The following DLG2 variants were observed in gnomAD, a reference collection of about 807,000 sequenced individuals.
DLG2 encodes discs large MAGUK scaffold protein 2, also known as disks large homolog 2.
A neutral mutation model predicts 132.5 loss-of-function variants in DLG2; 45 were observed. That is an observed-to-expected ratio of 0.34 (90% CI 0.27 to 0.44). The LOEUF is 0.44. DLG2 is among the 20% of genes least tolerant of loss of function. The pLI, the probability that DLG2 is intolerant of heterozygous loss-of-function variation, is 1.00. For synonymous variants in DLG2, 424 were observed against 419.6 expected (o/e 1.01, Z -0.13); for missense variants, 1,045 against 1,196.9 (o/e 0.87, Z 1.87).
chr11:85,315,401 C>T (rs948135967), intron 3 of DLG2, among the ~76,000 whole-genome samples: 2 of 151,968 alleles, frequency 1.3e-5, no homozygotes, highest in Non-Finnish European at 2.9e-5. Flanking sequence ...TCCCTGCATA[C>T]CATTAGTTCT....
At chr11:84,432,076 T>C (rs1236006017) in intron 7 of DLG2, among the ~76,000 whole-genome samples, 1 of 152,194 alleles carries the variant, frequency 6.6e-6, no homozygotes, top group East Asian at 1.9e-4. Flanking sequence ...AAAATGAAGA[T>C]AATTACAACA....
intron 6 of DLG2, among the ~76,000 whole-genome samples, chr11:84,943,407 T>C (rs763870720): frequency 2.6e-5 from 4 of 152,078 alleles, no homozygotes; most frequent in Non-Finnish European, 5.9e-5. Flanking sequence ...CCCACATCCC[T>C]TCCTCCCTTC....
At chr11:84,958,855 C>A (rs1002175855) in intron 6 of DLG2, among the ~76,000 whole-genome samples, 1 of 152,188 alleles carries the variant, frequency 6.6e-6, no homozygotes, top group Non-Finnish European at 1.5e-5. Context: ...TAAAAGACAT[C>A]TATGTTCTCT....
At chr11:84,161,134 A>C (rs533471926) in intron 9 of DLG2, among the ~76,000 whole-genome samples, 64 of 152,302 alleles carry the variant, frequency 4.2e-4, no homozygotes, top group African/African-American at 1.4e-3. Flanking sequence ...CATGGAGTGA[A>C]GAGGAAAGTG....
At chr11:84,443,846 A>G (rs1301407115) in intron 7 of DLG2, among the ~76,000 whole-genome samples, 2 of 152,062 alleles carry the variant, frequency 1.3e-5, no homozygotes, top group Admixed American at 6.5e-5. Flanking sequence ...AGTTTTATTC[A>G]TGTTTTGTCA....
chr11:84,122,980 G>T (rs2093998572), intron 9 of DLG2, among the ~76,000 whole-genome samples: 1 of 152,008 alleles, frequency 6.6e-6, no homozygotes, highest in African/African-American at 2.4e-5. Context: ...GAGAAGAGTG[G>T]AAGGAGAGCA....
chr11:84,826,125 AT>A (rs933717316), intron 6 of DLG2, among the ~76,000 whole-genome samples: 2 of 151,932 alleles, frequency 1.3e-5, no homozygotes, highest in African/African-American at 4.8e-5. Context: ...TGACACAGGC[AT>A]GCAACATGTA....
At chr11:85,515,529 G>GTAT (rs1206058045) in intron 3 of DLG2, among the ~76,000 whole-genome samples, 1 of 151,894 alleles carries the variant, frequency 6.6e-6, no homozygotes, top group African/African-American at 2.4e-5. Flanking sequence ...GATATTAATA[G>GTAT]TGTCTATCTT....
intron 18 of DLG2, among the ~76,000 whole-genome samples, chr11:83,715,475 A>G (rs2086478888): frequency 6.6e-6 from 1 of 152,216 alleles, no homozygotes; most frequent in Non-Finnish European, 1.5e-5. Context: ...AAGAGGCAAG[A>G]GAGCAGCCAG....
chr11:85,395,289 C>T (rs1364973239), intron 3 of DLG2, among the ~76,000 whole-genome samples: 1 of 152,108 alleles, frequency 6.6e-6, no homozygotes, highest in Admixed American at 6.5e-5. Context: ...CAGTTGCTTC[C>T]AGGGTGGCTG....
chr11:84,499,324 T>C (rs368999693), intron 7 of DLG2, among the ~76,000 whole-genome samples: 1 of 152,192 alleles, frequency 6.6e-6, no homozygotes, highest in East Asian at 1.9e-4. Context: ...GATTTCAGAT[T>C]GAAGAGCTAT....
rs536879502 is a variant in DLG2 at position 84,689,510 on chromosome 11, AGAATGAATAAAT to A, written c.358-154791_358-154780del. On this transcript the variant is annotated intron_variant, in intron 6 of 27. Transcript: ENST00000376104. ...ACTCACTTTACTGGTGTGAAAGATA[AGAATGAATAAAT>A]TTATAAGTATTTATTATGCATTTAA... 2.3e-3 allele frequency among the ~76,000 whole-genome samples: 355 copies of A among 152,276 alleles called. 3 individuals carry two copies. Among genetic ancestry groups the A allele is most frequent in the African/African-American group, 8.3e-3 (345 of 41,570 alleles).
chr11:83,508,643 T>A (rs2139707055), intron 21 of DLG2, among the ~76,000 whole-genome samples: 1 of 152,158 alleles, frequency 6.6e-6, no homozygotes, highest in South Asian at 2.1e-4. Flanking sequence ...AATTATCTCA[T>A]TGAATCCTCC....
chr11:83,757,950 C>T (rs1056194562), intron 18 of DLG2, among the ~76,000 whole-genome samples: 6 of 152,140 alleles, frequency 3.9e-5, no homozygotes, highest in Non-Finnish European at 7.3e-5. Context: ...CCCCTATTGA[C>T]TTGGTTAATA....
chr11:84,501,453 T>C (rs2099204910), intron 7 of DLG2, among the ~76,000 whole-genome samples: 1 of 152,116 alleles, frequency 6.6e-6, no homozygotes, highest in Non-Finnish European at 1.5e-5. Context: ...TAGTCCTAGA[T>C]ACTCCAGAGG....
chr11:85,472,407 T>G (rs1015370407), intron 3 of DLG2, among the ~76,000 whole-genome samples: 11 of 152,184 alleles, frequency 7.2e-5, no homozygotes. Flanking sequence ...GTTCAAGTGA[T>G]TCTCCTGCCT....
chr11:84,957,661 C>T (rs891718453), intron 6 of DLG2, among the ~76,000 whole-genome samples: 3 of 152,206 alleles, frequency 2.0e-5, no homozygotes, highest in Non-Finnish European at 4.4e-5. Context: ...TTTACAAATA[C>T]ATCTGCCTGC....
chr11:84,892,473 T>C (rs80263828), intron 6 of DLG2, among the ~76,000 whole-genome samples: 14,647 of 152,220 alleles, frequency 0.096, 917 homozygotes, highest in African/African-American at 0.18. Flanking sequence ...TAACTGCCTA[T>C]TAAACATTTG....
intron 6 of DLG2, among the ~76,000 whole-genome samples, chr11:84,809,068 A>G (rs1393917508): frequency 1.3e-5 from 2 of 151,982 alleles, no homozygotes; most frequent in Non-Finnish European, 2.9e-5. Context: ...AATTTCGACA[A>G]TATATAAAAT....
Sources: gnomAD v4.1 joint callset for allele counts (sites outside exome capture counted in the v4.1 genomes callset) on GRCh38, gnomAD v4.1.1 for gene constraint, MANE v1.5 for transcripts, NCBI Gene and HGNC (gene_info 2026-07-23, HGNC 2026-07-21) for gene names.